FAM228B: variants seen among roughly 807,000 people sequenced by gnomAD.
FAM228B encodes the protein family with sequence similarity 228 member B.
A neutral mutation model predicts 42.6 loss-of-function variants in FAM228B; 38 were observed. The observed-to-expected ratio is 0.89, with a 90% CI of 0.69 to 1.17. The LOEUF is 1.17. Among genes scored for constraint, FAM228B ranks in the 50% most tolerant of loss-of-function variants. The pLI is 0.00. For missense variants in FAM228B, 344 were observed against 367.3 expected (o/e 0.94, Z 0.52); for synonymous variants, 109 against 122.3 (o/e 0.89, Z 0.72).
chr2:24,144,675 T>A (rs1666851181), intron 5 of FAM228B, among the ~76,000 whole-genome samples: 1 of 152,146 alleles, frequency 6.6e-6, no homozygotes, highest in African/African-American at 2.4e-5. Context: ...GGCAGCAACC[T>A]TGCTGACCTC....
At chr2:24,105,508 A>G (rs994599226) in intron 3 of FAM228B, among the ~76,000 whole-genome samples, 4 of 152,212 alleles carry the variant, frequency 2.6e-5, no homozygotes, top group Admixed American at 1.3e-4. Flanking sequence ...GCCTACACAA[A>G]TGAGACAGAA....
chr2:24,111,067 CT>C (rs900869337), intron 3 of FAM228B, among the ~76,000 whole-genome samples: 32 of 147,694 alleles, frequency 2.2e-4, no homozygotes, highest in African/African-American at 3.0e-4. Context: ...CCTGGCTGAT[CT>C]TTTTTTTTTT....
At chr2:24,103,720 C>A (rs1222033422) in intron 3 of FAM228B, among the ~76,000 whole-genome samples, 1 of 152,200 alleles carries the variant, frequency 6.6e-6, no homozygotes, top group Non-Finnish European at 1.5e-5. Context: ...CTTCACCAGG[C>A]CTGCAGAACT....
At position 24,079,344 on chromosome 2, in the gene FAM228B, AC is replaced by A; in HGVS notation, c.-289-1530del. The A allele has an allele frequency of 2.3e-6, 3 of 1,316,360 alleles. No homozygotes were observed. In the South Asian group the frequency reaches 4.4e-5, roughly 19 times the overall value. The allele number at this position is 1,316,360 out of a possible 1,614,324, so 81.5% of individuals were successfully genotyped here. A position where few individuals can be genotyped will look rare whatever the true frequency, so the allele number is the denominator to read the frequency against. On this transcript the variant is annotated intron_variant, in intron 1 of 10. Coordinates refer to the FAM228B transcript ENST00000613899. The stretch of plus-strand genomic sequence containing the variant: ...GGGGGAGGTTTCTTCATAGAAACTA[AC>A]CTCCGTAATCTAAGGTAGAGCTTCC...
chr2:24,148,305 C>T (rs1666943959), intron 7 of FAM228B, among the ~76,000 whole-genome samples: 1 of 152,268 alleles, frequency 6.6e-6, no homozygotes, highest in East Asian at 1.9e-4. Context: ...GGGAGTATAC[C>T]ACTGTTGCAT....
intron 2 of FAM228B, chr2:24,085,875 T>C (rs1432169570): frequency 6.6e-6 from 1 of 152,170 alleles, no homozygotes; most frequent in East Asian, 1.9e-4. Flanking sequence ...AGCAAAAGCC[T>C]ATAGAGATGG....
intron 3 of FAM228B, among the ~76,000 whole-genome samples, chr2:24,136,917 A>T (rs538426339): frequency 6.6e-6 from 1 of 151,832 alleles, no homozygotes; most frequent in African/African-American, 2.4e-5. Context: ...ATAAGCAGTG[A>T]CTCCTCATTT....
At chr2:24,122,675 TG>T, upstream of FAM228B, 1 of 613,548 alleles carries the variant, frequency 1.6e-6, no homozygotes, top group Non-Finnish European at 2.9e-6. Flanking sequence ...AGGTACAGGG[TG>T]AAAACGGTGG....
chr2:24,161,445 C>A, intron 7 of FAM228B, 61 bp from the exon 8 acceptor site: 1 of 1,013,928 alleles, frequency 9.9e-7, no homozygotes, highest in Non-Finnish European at 1.5e-6. Flanking sequence ...GAGATCTTGT[C>A]TCAAAAAACA....
rs563377492 is a variant in FAM228B at position 24,164,070 on chromosome 2, C to T, written c.795-128C>T. 30 of 862,158 alleles carry T rather than the reference C, an allele frequency of 3.5e-5. No individual in the cohort carries two copies. In the South Asian group the frequency reaches 4.1e-4, roughly 12 times the overall value. 53.4% of individuals were successfully genotyped at this position (862,158 alleles called of 1,614,324 possible). A position where few individuals can be genotyped will look rare whatever the true frequency, so the allele number is the denominator to read the frequency against. ...TATTTTCACACAAAAAAAGTAAATACGTTTATTTTCATAAAAATACACAAA... is the reference window on the plus strand; with the variant it reads ...TATTTTCACACAAAAAAAGTAAATATGTTTATTTTCATAAAAATACACAAA... On this transcript the variant is annotated intron_variant, in intron 8 of 10. Transcript: ENST00000615575.
intron 3 of FAM228B, 114 bp from the exon 4 acceptor site, chr2:24,137,795 C>T (rs1450305056): frequency 1.5e-6 from 1 of 658,288 alleles, no homozygotes; most frequent in African/African-American, 1.8e-5. Flanking sequence ...TAATGAATGT[C>T]TCTGTGGGTT....
chr2:24,161,445 C>T, intron 7 of FAM228B, 61 bp from the exon 8 acceptor site: 1 of 1,013,932 alleles, frequency 9.9e-7, no homozygotes, highest in Non-Finnish European at 1.5e-6. Context: ...GAGATCTTGT[C>T]TCAAAAAACA....
intron 3 of FAM228B, among the ~76,000 whole-genome samples, chr2:24,098,188 T>C (rs1002480524): frequency 6.6e-6 from 1 of 152,068 alleles, no homozygotes; most frequent in African/African-American, 2.4e-5. Flanking sequence ...GCAGGAAAGA[T>C]CTAAAATTGA....
At chr2:24,147,160 C>A in intron 7 of FAM228B, 74 bp downstream of exon 7, 2 of 1,022,192 alleles carry the variant, frequency 2.0e-6, no homozygotes, top group Non-Finnish European at 2.7e-6. Flanking sequence ...TAACATTTTT[C>A]ATAGTTATGA....
chr2:24,146,399 G>A (rs377717648), intron 5 of FAM228B, among the ~76,000 whole-genome samples: 3 of 152,150 alleles, frequency 2.0e-5, no homozygotes, highest in Non-Finnish European at 4.4e-5. Context: ...CAATGTTAGG[G>A]ATTAAGATGA....
At chr2:24,078,480 T>TAAAA (rs36089798) in intron 1 of FAM228B, among the ~76,000 whole-genome samples, 5 of 104,952 alleles carry the variant, frequency 4.8e-5, no homozygotes, top group East Asian at 2.8e-4. Context: ...CCTGTCTCCA[T>TAAAA]AAAAAAAAAA....
At chr2:24,127,449 A>G (rs568521057) in intron 2 of FAM228B, among the ~76,000 whole-genome samples, 17 of 152,234 alleles carry the variant, frequency 1.1e-4, no homozygotes, top group Admixed American at 4.6e-4. Context: ...TCTCTTGGGT[A>G]TGTAACCTAG....
chr2:24,099,200 C>T (rs1055279361), intron 3 of FAM228B, among the ~76,000 whole-genome samples: 1 of 152,126 alleles, frequency 6.6e-6, no homozygotes, highest in African/African-American at 2.4e-5. Context: ...AAACTGGAAG[C>T]ATTCCCTTTG....
intron 3 of FAM228B, among the ~76,000 whole-genome samples, chr2:24,117,967 C>T (rs1665979696): frequency 6.6e-6 from 1 of 152,172 alleles, no homozygotes. Flanking sequence ...GCCAGCAGTG[C>T]ACTTCTAACC....
Sources: allele counts gnomAD v4.1 joint callset (sites outside exome capture counted in the v4.1 genomes callset), GRCh38; gene constraint gnomAD v4.1.1; transcripts MANE v1.5; gene names NCBI Gene and HGNC (gene_info 2026-07-23, HGNC 2026-07-21).